The following SH3TC1 variants were observed in gnomAD, a reference collection of about 807,000 sequenced individuals.
The protein encoded by SH3TC1 is SH3 domain and tetratricopeptide repeats 1.
SH3TC1 carries 135 observed loss-of-function variants against 117.3 expected under a neutral mutation model. That is an observed-to-expected ratio of 1.15 (90% confidence interval 1.00 to 1.33). The LOEUF (loss-of-function observed/expected upper bound fraction) is 1.33. Among genes scored for constraint, SH3TC1 ranks in the 40% most tolerant of loss-of-function variants. The pLI, the probability that SH3TC1 is intolerant of heterozygous loss-of-function variation, is 0.00. For synonymous variants in SH3TC1, 898 were observed against 816.9 expected (o/e 1.10, Z -1.69); for missense variants, 2,092 against 1,794.3 (o/e 1.17, Z -3.00).
At position 8,227,605 on chromosome 4, in the gene SH3TC1, C is replaced by A. The variant is rs1301610827; in HGVS notation, c.1911C>A (p.His637Gln). The change falls in exon 12 of 18, where the codon CAC (histidine) becomes CAA (glutamine). Residue 637 changes from histidine (H) to glutamine (Q), a missense_variant. By Grantham distance (24) the His-to-Gln change is conservative (BLOSUM62 0). Coordinates refer to ENST00000245105, the MANE Select transcript of SH3TC1 (RefSeq NM_018986.5). The stretch of plus-strand genomic sequence containing the variant: ...CCCTGCTCCTGGGGACGCCTGACCA[C>A]ATCTGCAGCACCGAGGCGGAGGGGG... The part of the protein sequence containing the change: ...AMALLLGTPD[H>Q]ICSTEAEGEL... The A allele has an allele frequency of 5.3e-6, 8 of 1,522,466 alleles. No individual in the cohort carries two copies. Among genetic ancestry groups the A allele is most frequent in the Non-Finnish European group, 7.0e-6 (8 of 1,138,128 alleles). 94.3% of individuals were successfully genotyped at this position (1,522,466 alleles called of 1,614,324 possible). A position where few individuals can be genotyped will look rare whatever the true frequency, so the allele number is the denominator to read the frequency against.
rs767094104 is a variant in SH3TC1 at position 8,209,617 on chromosome 4, G to A, written c.173-131G>A. On this transcript the variant is annotated intron_variant, in intron 2 of 17. Coordinates refer to ENST00000245105, the MANE Select transcript of SH3TC1 (RefSeq NM_018986.5). This position sits in a 1 kb window ranked among gnomAD's most constrained non-coding sequence, Gnocchi z 5.9. Reference sequence around the variant, plus strand: ...CTGGGGAGACTGGAGGAAGGCAGCTGTGGGAAAGGCGGCTCGTGCGGGACA... The same window carrying A: ...CTGGGGAGACTGGAGGAAGGCAGCTATGGGAAAGGCGGCTCGTGCGGGACA... The A allele has an allele frequency of 7.1e-5, 109 of 1,539,148 alleles. No individual in the cohort carries two copies. The highest frequency in any genetic ancestry group is 9.2e-5 in the Non-Finnish European group (105 of 1,146,176).
At chr4:8,203,405 G>A (rs1452403284) in intron 1 of SH3TC1, among the ~76,000 whole-genome samples, 1 of 151,994 alleles carries the variant, frequency 6.6e-6, no homozygotes, top group Non-Finnish European at 1.5e-5. Flanking sequence ...AAGGTGTCTG[G>A]TACCAGGAGG....
At position 8,235,481 on chromosome 4, in the gene SH3TC1, G is replaced by T; in HGVS notation, c.3331G>T (p.Glu1111Ter). 6.2e-7 allele frequency: 1 copy of T among 1,604,398 alleles called. No homozygotes were observed. Among genetic ancestry groups the T allele is most frequent in the Non-Finnish European group, 8.5e-7 (1 of 1,174,486 alleles). The change falls in exon 15 of 18, where the codon GAG becomes TAG. Residue 1111 changes from glutamate to a stop codon, truncating the protein, a stop_gained. Transcript: ENST00000245105. LOFTEE classifies it high-confidence loss of function. ...LYTGDPNLGL[E>*]LFEAAGDIFF... ...CACAGGCGACCCCAACCTGGGGCTGGAGCTGTTTGAGGCGGCTGGAGACAT... is the reference window on the plus strand; with the variant it reads ...CACAGGCGACCCCAACCTGGGGCTGTAGCTGTTTGAGGCGGCTGGAGACAT...
chr4:8,234,991 T>C (rs182503911), intron 14 of SH3TC1, among the ~76,000 whole-genome samples: 1 of 152,356 alleles, frequency 6.6e-6, no homozygotes, highest in Admixed American at 6.5e-5. Flanking sequence ...TGCTGTATAC[T>C]TCCTTGAGCT....
At chr4:8,222,733 T>G in intron 9 of SH3TC1, 107 bp from the exon 10 acceptor site, 1 of 1,397,040 alleles carries the variant, frequency 7.2e-7, no homozygotes, top group South Asian at 1.3e-5. Context: ...CAGAGAGTAG[T>G]GCTCCGAGAC....
intron 17 of SH3TC1, 126 bp downstream of exon 17, chr4:8,237,796 C>A (rs1036991266): frequency 1.9e-6 from 2 of 1,076,446 alleles, no homozygotes; most frequent in African/African-American, 1.6e-5. Context: ...TGGAGCGCTG[C>A]GCCCGGCTGG....
Position 8,228,397 on chromosome 4 carries a change from C to A in SH3TC1, c.2703C>A (p.Asn901Lys), listed in dbSNP as rs1448282940. 3.1e-6 allele frequency: 5 copies of A among 1,609,954 alleles called. No homozygotes were observed. Among genetic ancestry groups the A allele is most frequent in the East Asian group, 2.2e-5 (1 of 44,846 alleles). The change falls in exon 12 of 18, where the codon AAC becomes AAA. Residue 901 changes from asparagine (N) to lysine (K), a missense_variant. Coordinates refer to ENST00000245105, the MANE Select transcript of SH3TC1 (RefSeq NM_018986.5). ...RVARDLGQQR[N>K]QAVGLANFGA... ...CTCGGGACCTGGGCCAGCAAAGGAACCAGGCAGTGGGGCTGGCCAACTTCG... is the reference window on the plus strand; with the variant it reads ...CTCGGGACCTGGGCCAGCAAAGGAAACAGGCAGTGGGGCTGGCCAACTTCG...
intron 17 of SH3TC1, 132 bp downstream of exon 17, chr4:8,237,802 G>T: frequency 3.1e-6 from 3 of 976,582 alleles, no homozygotes; most frequent in Non-Finnish European, 4.3e-6. Flanking sequence ...GCTGCGCCCG[G>T]CTGGAGGAGC....
chr4:8,228,583 G>T lies in SH3TC1; in HGVS notation c.2889G>T (p.Gln963His). 1 of 1,587,824 alleles carries T rather than the reference G, an allele frequency of 6.3e-7. No homozygotes were observed. ...TCTGCACCCGCCAGGGCCCGGCCCA[G>T]CAGGGCAAGGGCTACTACGAGTGGG... ...GHLCTRQGPA[Q>H]QGKGYYEWAL... The change falls in exon 12 of 18, where the codon CAG becomes CAT. Residue 963 changes from glutamine (Q) to histidine (H), a missense_variant. Transcript: ENST00000245105.
chr4:8,219,521 C>T lies in SH3TC1; in HGVS notation c.1103C>T (p.Pro368Leu), dbSNP rs1719696629. 1.9e-6 allele frequency: 3 copies of T among 1,564,542 alleles called. No individual in the cohort carries two copies. Among genetic ancestry groups the T allele is most frequent in the Non-Finnish European group, 2.6e-6 (3 of 1,148,928 alleles). The change falls in exon 9 of 18, where the codon CCC becomes CTC. Residue 368 changes from proline (P) to leucine (L), a missense_variant. Transcript: ENST00000245105. ...VRSSLISMQG[P>L]VSELESAIFL... ...AGCAGCCTCATCAGCATGCAGGGCC[C>T]CGTGTCCGAGTGAGTGGCTGGAGCC...
chr4:8,193,600 T>G (rs1233644298), intron 1 of SH3TC1, among the ~76,000 whole-genome samples: 1 of 152,220 alleles, frequency 6.6e-6, no homozygotes, highest in Non-Finnish European at 1.5e-5. Flanking sequence ...AATCATGCTT[T>G]GCCATCCTGA....
In SH3TC1 at chr4:8,227,642, C is replaced by G; in HGVS notation, c.1948C>G (p.Leu650Val). The G allele has an allele frequency of 6.5e-7, 1 of 1,527,372 alleles. No homozygotes were observed. The highest frequency in any genetic ancestry group is 8.8e-7 in the Non-Finnish European group (1 of 1,140,546). 94.6% of individuals were successfully genotyped at this position (1,527,372 alleles called of 1,614,324 possible). A position where few individuals can be genotyped will look rare whatever the true frequency, so the allele number is the denominator to read the frequency against. Residue 650 changes from leucine (L) to valine (V), a missense_variant, in exon 12 of 18, where the codon CTG becomes GTG. Leu to Val is a conservative substitution (Grantham distance 32, BLOSUM62 1). Transcript: ENST00000245105. ...STEAEGELLQLALRRAVGGQS... is the reference protein window; with the variant it reads ...STEAEGELLQVALRRAVGGQS... ...CGAGGCGGAGGGGGAGCTCCTGCAG[C>G]TGGCGCTGCGGCGGGCGGTGGGTGG... is the stretch of plus-strand genomic sequence containing the variant.
rs780077281 is a variant in SH3TC1, at chr4:8,225,249, G to A, written c.1285+33G>A. The stretch of plus-strand genomic sequence containing the variant: ...TTGCCAGTGGCTCAGGCTTCCTCTG[G>A]TTATGAGCTGGGCCTTGGGGTAACG... On this transcript the variant is annotated intron_variant, in intron 11 of 17. Transcript: ENST00000245105. This position sits in a 1 kb window ranked among gnomAD's most constrained non-coding sequence, Gnocchi z 5.5. 37 of 1,606,468 alleles carry A rather than the reference G, an allele frequency of 2.3e-5. No homozygotes were observed. In the East Asian group the frequency reaches 8.1e-4, roughly 35 times the overall value.
chr4:8,197,185 C>A (rs529230288), upstream of SH3TC1, among the ~76,000 whole-genome samples: 1 of 152,108 alleles, frequency 6.6e-6, no homozygotes, highest in Admixed American at 6.5e-5. Flanking sequence ...AAGACTGGAG[C>A]GATGCCACCT....
rs1267355384 is a variant in SH3TC1, at chr4:8,183,755, C to G, written c.-57+1545C>G. ...ATTTGTCATAACTAATGAGCCAATA[C>G]CACCAATGCCTGATTACCAGCTGCA... On this transcript the variant is annotated intron_variant, in intron 1 of 16. Coordinates refer to the SH3TC1 transcript ENST00000508641. This position sits in a 1 kb window ranked among gnomAD's most constrained non-coding sequence, Gnocchi z 5.4. Among the ~76,000 whole-genome samples the G allele has an allele frequency of 6.6e-6, 1 of 152,142 alleles. No individual in the cohort carries two copies. The highest frequency in any genetic ancestry group is 1.5e-5 in the Non-Finnish European group (1 of 68,034).
At chr4:8,202,471 C>T (rs1239658174) in intron 1 of SH3TC1, among the ~76,000 whole-genome samples, 1 of 152,262 alleles carries the variant, frequency 6.6e-6, no homozygotes, top group Non-Finnish European at 1.5e-5. Flanking sequence ...CCCGGAGGGT[C>T]TCTTGGGTGC....
chr4:8,236,673 G>A, intron 16 of SH3TC1: 1 of 437,774 alleles, frequency 2.3e-6, no homozygotes. Flanking sequence ...GACCACGAGG[G>A]CTGCCCAGTG....
At chr4:8,196,786 G>T (rs1328629859), upstream of SH3TC1, among the ~76,000 whole-genome samples, 1 of 152,162 alleles carries the variant, frequency 6.6e-6, no homozygotes, top group African/African-American at 2.4e-5. The surrounding 1 kb of genome is among the most constrained non-coding windows in gnomAD (Gnocchi z 4.6). Context: ...GAGGGCTGGA[G>T]TCCAGGAGGG....
Position 8,219,429 on chromosome 4 carries a change from G to C in SH3TC1, c.1011G>C (p.Ala337=). The C allele has an allele frequency of 6.2e-7, 1 of 1,611,378 alleles. No individual in the cohort carries two copies. Among genetic ancestry groups the C allele is most frequent in the Non-Finnish European group, 8.5e-7 (1 of 1,178,718 alleles). ...GCGACCTCATCGAGATCCTTGGGGC[G>C]CAGGTGCCCAGCCTGCCCTGGTGCG... ...RGGDLIEILG[A]QVPSLPWCVG... The change falls in exon 9 of 18, where the codon GCG becomes GCC. Residue 337 remains alanine, a synonymous_variant. Transcript: ENST00000245105.
Sources: allele counts gnomAD v4.1 joint callset (sites outside exome capture counted in the v4.1 genomes callset), GRCh38; gene constraint gnomAD v4.1.1; non-coding constraint Gnocchi (gnomAD v3.1); transcripts MANE v1.5; gene names NCBI Gene and HGNC (gene_info 2026-07-23, HGNC 2026-07-21).